Variants in PCDHGA1 observed in about 807,000 individuals in gnomAD.
PCDHGA1 encodes the protein protocadherin gamma-A1.
Under a neutral mutation model 58.0 loss-of-function variants are expected in PCDHGA1, and 32 were observed. The observed-to-expected ratio is 0.55, with a 90% CI of 0.42 to 0.74. The LOEUF is 0.74. Among genes scored for constraint, PCDHGA1 ranks in the 30% least tolerant of loss-of-function variants. The probability of loss-of-function intolerance (pLI) is 0.00; values close to 1 mark genes in which losing one functional copy is unlikely to be tolerated. For missense variants in PCDHGA1, 1,205 were observed against 1,182.3 expected (o/e 1.02, Z -0.28); for synonymous variants, 498 against 501.1 (o/e 0.99, Z 0.08).
intron 1 of PCDHGA1, chr5:141,422,893 C>T (rs1405800318): frequency 3.1e-6 from 5 of 1,614,128 alleles, no homozygotes; most frequent in Admixed American, 3.3e-5. Flanking sequence ...CGTGCTGGAC[C>T]AGAACGACAA....
In PCDHGA1 at chr5:141,512,845, A is replaced by G. The variant is rs1166488780; in HGVS notation, c.*1672A>G. On this transcript the variant is annotated 3_prime_UTR_variant, in exon 4 of 4. Coordinates refer to ENST00000517417, the MANE Select transcript of PCDHGA1 (RefSeq NM_018912.3). ...CTCCCCCGTACTGACTTCTCCTATA[A>G]GCGCTTCTCTTCGCATAGTCACGTA... The G allele has an allele frequency of 6.6e-6, 1 of 152,156 alleles. No individual in the cohort carries two copies. Among genetic ancestry groups the G allele is most frequent in the African/African-American group, 2.4e-5 (1 of 41,380 alleles). 9.4% of individuals were successfully genotyped at this position (152,156 alleles called of 1,614,324 possible).
At position 141,389,550 on chromosome 5, in the gene PCDHGA1, A is replaced by T. The variant is rs767434946; in HGVS notation, c.2421+56445A>T. The T allele has an allele frequency of 3.7e-6, 6 of 1,613,098 alleles. No individual in the cohort carries two copies. The African/African-American group carries it at 4.0e-5, about 11-fold the overall frequency. On this transcript the variant is annotated intron_variant, in intron 1 of 3. Transcript: ENST00000517417. ...CGTGTTAGTGGACGACCGCAACGAC[A>T]ATGCGCCACGGGTGCTGTACCCCGC...
At chr5:141,361,334 A>G (rs1761976311) in intron 1 of PCDHGA1, 2 of 1,613,846 alleles carry the variant, frequency 1.2e-6, no homozygotes, top group Non-Finnish European at 1.7e-6. Flanking sequence ...TCCTCAAAGA[A>G]CTATTACAAA....
chr5:141,344,771 G>A (rs1361480171), intron 1 of PCDHGA1: 7 of 1,614,010 alleles, frequency 4.3e-6, no homozygotes, highest in East Asian at 2.2e-5. Flanking sequence ...CTCAGCCTGA[G>A]TACCGTGTGA....
chr5:141,394,532 T>G (rs1259695027), intron 1 of PCDHGA1: 7 of 1,614,188 alleles, frequency 4.3e-6, no homozygotes, highest in East Asian at 4.5e-5. Flanking sequence ...ACGGTTCCAC[T>G]GGCGTGGAGC....
intron 1 of PCDHGA1, chr5:141,393,496 T>C (rs960048710): frequency 1.9e-6 from 3 of 1,613,940 alleles, no homozygotes; most frequent in Non-Finnish European, 8.5e-7. Flanking sequence ...ACAGTGCGCA[T>C]CCACGTGACA....
intron 1 of PCDHGA1, chr5:141,394,275 A>T: frequency 6.2e-7 from 1 of 1,613,910 alleles, no homozygotes; most frequent in Non-Finnish European, 8.5e-7. Context: ...TGCCCAGGTC[A>T]CTTACTCTGT....
chr5:141,465,881 G>T (rs1000308014), intron 1 of PCDHGA1, among the ~76,000 whole-genome samples: 1 of 151,960 alleles, frequency 6.6e-6, no homozygotes, highest in African/African-American at 2.4e-5. Flanking sequence ...CCAGCACTTT[G>T]GGAGGCCGAG....
Position 141,510,956 on chromosome 5 carries a change from A to T in PCDHGA1, c.2579A>T (p.Asp860Val). 1 of 1,614,104 alleles carries T rather than the reference A, an allele frequency of 6.2e-7. No homozygotes were observed. The highest frequency in any genetic ancestry group is 8.5e-7 in the Non-Finnish European group (1 of 1,179,996). The change falls in exon 4 of 4, where the codon GAT becomes GTT. Residue 860 changes from aspartate to valine, a missense_variant. Asp to Val is a radical substitution (Grantham distance 152). Transcript: ENST00000517417. ...MILASASEAA[D>V]GSSTLGGGAG... ...TCCTCTGTCTCTGCAGAAGCTGCTG[A>T]TGGGAGCTCCACCCTGGGAGGGGGT...
At chr5:141,419,477 C>G (rs760970548) in intron 1 of PCDHGA1, 1 of 1,612,420 alleles carries the variant, frequency 6.2e-7, no homozygotes, top group Non-Finnish European at 8.5e-7. Flanking sequence ...CCAGGGCTCG[C>G]CCGCGCTCAG....
At chr5:141,444,804 A>G (rs140326088) in intron 1 of PCDHGA1, among the ~76,000 whole-genome samples, 1 of 152,250 alleles carries the variant, frequency 6.6e-6, no homozygotes, top group Non-Finnish European at 1.5e-5. Flanking sequence ...TCTTTTACTA[A>G]TAGCACACTG....
intron 1 of PCDHGA1, chr5:141,408,120 C>T (rs1375123891): frequency 3.4e-6 from 5 of 1,475,704 alleles, no homozygotes. Flanking sequence ...TCCTCCTGTC[C>T]TGGGCCGAAT....
At chr5:141,363,263 C>T (rs933065042) in intron 1 of PCDHGA1, among the ~76,000 whole-genome samples, 3 of 152,278 alleles carry the variant, frequency 2.0e-5, no homozygotes, top group South Asian at 2.1e-4. Context: ...TTACTTAAAA[C>T]TTTGCTTTTG....
At chr5:141,363,502 A>G (rs368681590) in intron 1 of PCDHGA1, among the ~76,000 whole-genome samples, 2 of 152,230 alleles carry the variant, frequency 1.3e-5, no homozygotes, top group East Asian at 3.9e-4. Flanking sequence ...ATAAAACCCC[A>G]TCCTCCACAG....
At position 141,450,006 on chromosome 5, in the gene PCDHGA1, C is replaced by CTTTTT. The variant is rs1554136305; in HGVS notation, c.2422-44787_2422-44783dup. ...CACATTGCATTTAGTTGCCATGTCTCTTTTTTTTTTTTTTTTTTGAGACAG... is the reference window on the plus strand; with the variant it reads ...CACATTGCATTTAGTTGCCATGTCTCTTTTTTTTTTTTTTTTTTTTTTTGAGACAG... On this transcript the variant is annotated intron_variant, in intron 1 of 3. Transcript: ENST00000517417. Among the ~76,000 whole-genome samples the CTTTTT allele has an allele frequency of 3.4e-4, 45 of 132,908 alleles. 3 individuals carry two copies. Among genetic ancestry groups the CTTTTT allele is most frequent in the South Asian group, 7.1e-4 (3 of 4,236 alleles). 87.2% of individuals were successfully genotyped at this position (132,908 alleles called of 152,430 possible).
chr5:141,413,555 T>C (rs1270604020), intron 1 of PCDHGA1: 1 of 1,613,852 alleles, frequency 6.2e-7, no homozygotes. Flanking sequence ...GAAATAGAAG[T>C]AACTGATATC....
rs1199102847 is a variant in PCDHGA1, at chr5:141,477,997, A to G, written c.2422-16810A>G. 2 of 1,614,112 alleles carry G rather than the reference A, an allele frequency of 1.2e-6. No individual in the cohort carries two copies. Among genetic ancestry groups the G allele is most frequent in the Non-Finnish European group, 1.7e-6 (2 of 1,180,016 alleles). On this transcript the variant is annotated intron_variant, in intron 1 of 3. Coordinates refer to ENST00000517417, the MANE Select transcript of PCDHGA1 (RefSeq NM_018912.3). This position sits in a 1 kb window ranked among gnomAD's most constrained non-coding sequence, Gnocchi z 4.9. ...TTGCCATAGGGCTGCACACTGGTCAAATCAGTACTGCCCGTCCAGTCCAAG... is the reference window on the plus strand; with the variant it reads ...TTGCCATAGGGCTGCACACTGGTCAGATCAGTACTGCCCGTCCAGTCCAAG...
At chr5:141,437,042 A>G (rs1355358776) in intron 1 of PCDHGA1, among the ~76,000 whole-genome samples, 1 of 152,264 alleles carries the variant, frequency 6.6e-6, no homozygotes, top group Non-Finnish European at 1.5e-5. Context: ...CACCGAAACC[A>G]GAAGGCTGGT....
chr5:141,392,273 G>A (rs1037062086), intron 1 of PCDHGA1: 3 of 152,178 alleles, frequency 2.0e-5, no homozygotes, highest in Admixed American at 2.0e-4. Flanking sequence ...TTACAATAAA[G>A]CTTAGAGCAC....
Sources: allele counts gnomAD v4.1 joint callset (sites outside exome capture counted in the v4.1 genomes callset), GRCh38; gene constraint gnomAD v4.1.1; non-coding constraint Gnocchi (gnomAD v3.1); transcripts MANE v1.5; gene names NCBI Gene and HGNC (gene_info 2026-07-23, HGNC 2026-07-21).